The following PDE4D variants were observed in gnomAD, a reference collection of about 807,000 sequenced individuals.
PDE4D encodes 3',5'-cyclic-AMP phosphodiesterase 4D.
In PDE4D, 24 loss-of-function variants were observed where a neutral mutation model predicts 87.4. The ratio of observed to expected loss-of-function variants is 0.27; its 90% CI spans 0.20 to 0.39. The LOEUF is 0.39. Among genes scored for constraint, PDE4D ranks in the 10% least tolerant of loss-of-function variants. PDE4D has a pLI of 1.00. For missense variants in PDE4D, 714 were observed against 1,041.0 expected, an observed-to-expected ratio of 0.69 and a Z score of 4.32; for synonymous variants, 384 against 383.2, an observed-to-expected ratio of 1.00 and a Z score of -0.02.
At chr5:59,781,166 C>CAAAAA (rs11450737) in intron 1 of PDE4D, among the ~76,000 whole-genome samples, 2 of 69,104 alleles carry the variant, frequency 2.9e-5, no homozygotes, top group Non-Finnish European at 2.5e-5. Context: ...AACTCCTTCT[C>CAAAAA]AAAAAAAAAA....
chr5:59,931,795 A>G (rs931604414), intron 3 of PDE4D, among the ~76,000 whole-genome samples: 11 of 144,184 alleles, frequency 7.6e-5, no homozygotes, highest in Admixed American at 4.4e-4. Flanking sequence ...TCCGCCTCCC[A>G]GGTTCACACC....
intron 1 of PDE4D, among the ~76,000 whole-genome samples, chr5:59,316,446 G>A (rs1773754973): frequency 6.6e-6 from 1 of 152,000 alleles, no homozygotes; most frequent in African/African-American, 2.4e-5. Context: ...CTATATACTG[G>A]GGTTGAGATG....
At chr5:59,393,708 AG>A (rs2153609742) in intron 1 of PDE4D, among the ~76,000 whole-genome samples, 1 of 152,326 alleles carries the variant, frequency 6.6e-6, no homozygotes, top group Admixed American at 6.5e-5. Flanking sequence ...GCTGGTTTTT[AG>A]GACAATAATT....
At chr5:59,446,102 G>T (rs896783942) in intron 1 of PDE4D, among the ~76,000 whole-genome samples, 1 of 152,040 alleles carries the variant, frequency 6.6e-6, no homozygotes, top group Admixed American at 6.5e-5. Flanking sequence ...AAAAATAGCT[G>T]CAAAGACAAT....
Position 59,259,182 on chromosome 5 carries a change from A to AT in PDE4D, c.456-43215dup, listed in dbSNP as rs796308372. On this transcript the variant is annotated intron_variant, in intron 1 of 14. Coordinates refer to ENST00000340635, the MANE Select transcript of PDE4D (RefSeq NM_001104631.2). The stretch of plus-strand genomic sequence containing the variant: ...CCCTTCTAATAATAAACTGGCTAGC[A>AT]TTTTTTTTGGTTTGCTGTGTCCCTA... Among the ~76,000 whole-genome samples the AT allele has an allele frequency of 2.3e-3, 348 of 151,576 alleles. 4 individuals carry two copies. Among genetic ancestry groups the AT allele is most frequent in the African/African-American group, 7.3e-3 (304 of 41,408 alleles).
At chr5:60,383,747 A>T (rs370916769) in intron 1 of PDE4D, among the ~76,000 whole-genome samples, 1,857 of 152,318 alleles carry the variant, frequency 0.012, 16 homozygotes, top group Middle Eastern at 0.027. Flanking sequence ...AATAGAAAAA[A>T]TACTAACAAA....
At chr5:59,094,602 C>A (rs1394778591) in intron 5 of PDE4D, among the ~76,000 whole-genome samples, 1 of 151,928 alleles carries the variant, frequency 6.6e-6, no homozygotes, top group Non-Finnish European at 1.5e-5. Flanking sequence ...AATGTGGGAA[C>A]TTCAGTAAAG....
chr5:59,201,927 G>C (rs965952881), intron 2 of PDE4D, among the ~76,000 whole-genome samples: 5 of 151,452 alleles, frequency 3.3e-5, no homozygotes, highest in Admixed American at 2.0e-4. Context: ...CATTAAAGCT[G>C]TCTAGTATTG....
chr5:59,332,799 G>C (rs139282563), intron 1 of PDE4D, among the ~76,000 whole-genome samples: 37 of 152,282 alleles, frequency 2.4e-4, no homozygotes, highest in African/African-American at 8.4e-4. Flanking sequence ...AAGTGGGGTA[G>C]ATACAACTTT....
chr5:59,623,486 G>T (rs1330049532), intron 1 of PDE4D, among the ~76,000 whole-genome samples: 1 of 152,158 alleles, frequency 6.6e-6, no homozygotes, highest in Non-Finnish European at 1.5e-5. Context: ...GCATCCCAGT[G>T]CTTGGAGCTC....
intron 1 of PDE4D, among the ~76,000 whole-genome samples, chr5:59,504,307 A>G (rs529305181): frequency 6.6e-6 from 1 of 152,232 alleles, no homozygotes; most frequent in Non-Finnish European, 1.5e-5. Context: ...ACATTAAGCC[A>G]CAATTCATTT....
In PDE4D at chr5:60,293,802, C is replaced by T. The variant is rs115430599; in HGVS notation, c.-89-108115G>A. On this transcript the variant is annotated intron_variant, in intron 1 of 16. Coordinates refer to the PDE4D transcript ENST00000502484. The stretch of plus-strand genomic sequence containing the variant: ...TCATTTTTGTTGCGGAGTAATACTC[C>T]ATTGTATAACTGTGACAAAATTTGT... Among the ~76,000 whole-genome samples the T allele has an allele frequency of 9.5e-3, 1,438 of 152,158 alleles. 26 individuals carry two copies. The highest frequency in any genetic ancestry group is 0.032 in the African/African-American group (1,337 of 41,510).
intron 1 of PDE4D, among the ~76,000 whole-genome samples, chr5:60,413,830 T>C (rs1471554808): frequency 1.3e-5 from 2 of 152,040 alleles, no homozygotes; most frequent in Admixed American, 6.5e-5. Flanking sequence ...ATAATCTTAA[T>C]GTAACTACTA....
At chr5:59,686,197 A>G (rs955314077) in intron 1 of PDE4D, among the ~76,000 whole-genome samples, 8 of 152,196 alleles carry the variant, frequency 5.3e-5, no homozygotes, top group African/African-American at 1.7e-4. Flanking sequence ...AGCAAGAACT[A>G]TGATTTAATA....
intron 1 of PDE4D, among the ~76,000 whole-genome samples, chr5:59,709,548 C>A (rs1211649056): frequency 1.3e-5 from 2 of 152,184 alleles, no homozygotes. Context: ...ACAGATGAAG[C>A]TGCTCTTTAG....
intron 1 of PDE4D, among the ~76,000 whole-genome samples, chr5:60,319,456 T>G (rs1755984030): frequency 6.6e-6 from 1 of 152,166 alleles, no homozygotes; most frequent in Non-Finnish European, 1.5e-5. Flanking sequence ...CAGAGTAGTT[T>G]GATTGTCTGA....
At chr5:59,254,308 C>T (rs1000603983) in intron 1 of PDE4D, among the ~76,000 whole-genome samples, 1 of 152,088 alleles carries the variant, frequency 6.6e-6, no homozygotes, top group Non-Finnish European at 1.5e-5. Flanking sequence ...GATGTCTACC[C>T]TAGTTTTCCC....
intron 1 of PDE4D, among the ~76,000 whole-genome samples, chr5:59,879,330 T>A (rs572227548): frequency 2.6e-5 from 4 of 152,380 alleles, no homozygotes; most frequent in African/African-American, 9.6e-5. Flanking sequence ...CTCTTCTTGC[T>A]TTTCCTTACC....
chr5:60,387,296 C>T (rs1762253799), intron 1 of PDE4D, among the ~76,000 whole-genome samples: 1 of 152,176 alleles, frequency 6.6e-6, no homozygotes, highest in Non-Finnish European at 1.5e-5. Flanking sequence ...TTTTGCTGAC[C>T]TCATAAGAAA....
Sources: gnomAD v4.1 joint callset for allele counts (sites outside exome capture counted in the v4.1 genomes callset) on GRCh38, gnomAD v4.1.1 for gene constraint, MANE v1.5 for transcripts, NCBI Gene and HGNC (gene_info 2026-07-23, HGNC 2026-07-21) for gene names.